Variants in AP1M1 observed in about 807,000 individuals in gnomAD.
AP1M1 encodes adaptor related protein complex 1 subunit mu 1, also known as AP-1 complex subunit mu-1.
A neutral mutation model predicts 57.1 loss-of-function variants in AP1M1; 18 were observed. The observed-to-expected ratio is 0.32, with a 90% CI of 0.22 to 0.47. The LOEUF (loss-of-function observed/expected upper bound fraction) is 0.47, where lower values mean the gene tolerates loss of function less well. Ranked by LOEUF, AP1M1 falls within the 20% of genes least tolerant of loss-of-function variation. The pLI, the probability that AP1M1 is intolerant of heterozygous loss-of-function variation, is 1.00. For missense variants in AP1M1, 362 were observed against 593.5 expected, an observed-to-expected ratio of 0.61 and a Z score of 4.05; for synonymous variants, 241 against 237.9, an observed-to-expected ratio of 1.01 and a Z score of -0.12.
chr19:16,223,892 G>A (rs1218682197), intron 5 of AP1M1, among the ~76,000 whole-genome samples: 9 of 152,218 alleles, frequency 5.9e-5, no homozygotes, highest in African/African-American at 1.9e-4. Context: ...TTTCTTTTGT[G>A]TTCACGCTGG....
intron 5 of AP1M1, among the ~76,000 whole-genome samples, chr19:16,215,714 C>G (rs1350842847): frequency 6.6e-6 from 1 of 152,106 alleles, no homozygotes; most frequent in Non-Finnish European, 1.5e-5. Context: ...ATTGGCCTCT[C>G]TAGCTAGACT....
intron 5 of AP1M1, chr19:16,210,423 A>G (rs907352990): frequency 1.4e-6 from 1 of 717,442 alleles, no homozygotes; most frequent in African/African-American, 1.7e-5. Context: ...TTTATAAGAA[A>G]CTGCCAAACC....
intron 10 of AP1M1, 88 bp from the exon 11 acceptor site, chr19:16,234,111 G>T (rs1462366608): frequency 3.0e-6 from 4 of 1,351,784 alleles, no homozygotes; most frequent in South Asian, 2.8e-5. Flanking sequence ...TCCCCTGCCA[G>T]CCCCAGGCTG....
intron 5 of AP1M1, among the ~76,000 whole-genome samples, chr19:16,216,982 C>T (rs893333827): frequency 1.3e-5 from 2 of 152,016 alleles, no homozygotes; most frequent in Non-Finnish European, 2.9e-5. Flanking sequence ...GTCAGGGAGC[C>T]AGCCTCTGGG....
At chr19:16,217,405 C>T (rs945058687) in intron 5 of AP1M1, among the ~76,000 whole-genome samples, 2 of 152,150 alleles carry the variant, frequency 1.3e-5, no homozygotes, top group Non-Finnish European at 2.9e-5. Flanking sequence ...CCCACGCACA[C>T]ACCACCAGCA....
At chr19:16,223,984 C>T (rs2091557904) in intron 5 of AP1M1, among the ~76,000 whole-genome samples, 1 of 152,216 alleles carries the variant, frequency 6.6e-6, no homozygotes, top group Non-Finnish European at 1.5e-5. Flanking sequence ...TTCTGACGGC[C>T]ACTGGCAGTG....
chr19:16,228,464 C>T lies in AP1M1; in HGVS notation c.888+256C>T, dbSNP rs1434791434. 4.6e-5 allele frequency among the ~76,000 whole-genome samples: 7 copies of T among 152,198 alleles called. No individual in the cohort carries two copies. Among genetic ancestry groups the T allele is most frequent in the Non-Finnish European group, 4.4e-5 (3 of 68,030 alleles). Reference sequence around the variant, plus strand: ...TGCCCCCAGGTGGAGCACCTCTGCCCCTCAGCGACCCTGTCCAGCGCAGCC... The same window carrying T: ...TGCCCCCAGGTGGAGCACCTCTGCCTCTCAGCGACCCTGTCCAGCGCAGCC... On this transcript the variant is annotated intron_variant, in intron 8 of 11. Transcript: ENST00000291439. The surrounding 1 kb of genome is among the most constrained non-coding windows in gnomAD (Gnocchi z 5.0).
At chr19:16,229,071 CGGA>C (rs2145138731) in intron 9 of AP1M1, 143 bp downstream of exon 9, 2 of 969,122 alleles carry the variant, frequency 2.1e-6, no homozygotes, top group East Asian at 5.3e-5. Flanking sequence ...AAAGGGTGGA[CGGA>C]GAGCTGAGGA....
rs1034603410 is a variant in AP1M1 at position 16,240,560 on chromosome 19, A to G, written c.*6125A>G. ...TGCCTCCCAGGTTCAAGCAATTCTCATATCTCAGCCTCCCAAGCAGCTGGG... is the reference window on the plus strand; with the variant it reads ...TGCCTCCCAGGTTCAAGCAATTCTCGTATCTCAGCCTCCCAAGCAGCTGGG... On this transcript the variant is annotated 3_prime_UTR_variant, in exon 12 of 12. Coordinates refer to ENST00000291439, the MANE Select transcript of AP1M1 (RefSeq NM_032493.4). 6.6e-6 allele frequency: 1 copy of G among 151,946 alleles called. No homozygotes were observed. Among genetic ancestry groups the G allele is most frequent in the South Asian group, 2.1e-4 (1 of 4,826 alleles). 9.4% of individuals were successfully genotyped at this position (151,946 alleles called of 1,614,324 possible).
rs756171071 is a variant in AP1M1 at position 16,228,734 on chromosome 19, C to T, written c.889-36C>T. ...GAGAGGCTGGCCAGCTCACCTTGGC[C>T]TCCATAACCCCGGGCCGCATTGGCC... On this transcript the variant is annotated intron_variant, in intron 8 of 11. Transcript: ENST00000291439. This position sits in a 1 kb window ranked among gnomAD's most constrained non-coding sequence, Gnocchi z 5.0. 30 of 1,609,340 alleles carry T rather than the reference C, an allele frequency of 1.9e-5. No homozygotes were observed. The highest frequency in any genetic ancestry group is 2.5e-5 in the Non-Finnish European group (30 of 1,177,146).
intron 5 of AP1M1, 62 bp from the exon 6 acceptor site, chr19:16,226,359 T>C: frequency 6.7e-7 from 1 of 1,495,708 alleles, no homozygotes; most frequent in Non-Finnish European, 9.0e-7. Context: ...TCACATGATG[T>C]GGTAGGAGGC....
rs954701533 is a variant in AP1M1, at chr19:16,203,363, G to T, written c.43-96G>T. The T allele has an allele frequency of 7.5e-7, 1 of 1,335,296 alleles. No homozygotes were observed. Among genetic ancestry groups the T allele is most frequent in the Non-Finnish European group, 1.1e-6 (1 of 941,380 alleles). 82.7% of individuals were successfully genotyped at this position (1,335,296 alleles called of 1,614,324 possible). A position where few individuals can be genotyped will look rare whatever the true frequency, so the allele number is the denominator to read the frequency against. ...ATAGTGGCCATGACCGGAGTCCCCAGAGCGAAGCAGGGTGGTGCATCTCAC... is the reference window on the plus strand; with the variant it reads ...ATAGTGGCCATGACCGGAGTCCCCATAGCGAAGCAGGGTGGTGCATCTCAC... On this transcript the variant is annotated intron_variant, in intron 1 of 11. Transcript: ENST00000291439. The surrounding 1 kb of genome is among the most constrained non-coding windows in gnomAD (Gnocchi z 4.6).
chr19:16,209,369 C>A, intron 5 of AP1M1, 192 bp downstream of exon 5: 1 of 578,122 alleles, frequency 1.7e-6, no homozygotes, highest in Non-Finnish European at 2.8e-6. Context: ...CTCATTCTGT[C>A]GCCCAGGCTA....
rs1001708507 is a variant in AP1M1, at chr19:16,243,074, A to G, written c.*8639A>G. Reference sequence around the variant, plus strand: ...GTGAGCCACCACACACGGCCAGAATAGACTTTAAAGCAAGAAAGCAAAAGA... The same window carrying G: ...GTGAGCCACCACACACGGCCAGAATGGACTTTAAAGCAAGAAAGCAAAAGA... On this transcript the variant is annotated 3_prime_UTR_variant, in exon 12 of 12. Coordinates refer to ENST00000291439, the MANE Select transcript of AP1M1 (RefSeq NM_032493.4). 1 of 152,114 alleles carries G rather than the reference A, an allele frequency of 6.6e-6. No homozygotes were observed. The highest frequency in any genetic ancestry group is 1.5e-5 in the Non-Finnish European group (1 of 68,016). 9.4% of individuals were successfully genotyped at this position (152,114 alleles called of 1,614,324 possible). A position where few individuals can be genotyped will look rare whatever the true frequency, so the allele number is the denominator to read the frequency against.
At chr19:16,223,372 C>G (rs966700051) in intron 5 of AP1M1, among the ~76,000 whole-genome samples, 6 of 152,192 alleles carry the variant, frequency 3.9e-5, no homozygotes, top group African/African-American at 1.4e-4. Context: ...AGACATAAAC[C>G]ACTTCATGGG....
In AP1M1 at chr19:16,227,480, G is replaced by A. The variant is rs1057092072; in HGVS notation, c.674-68G>A. 2 of 1,564,536 alleles carry A rather than the reference G, an allele frequency of 1.3e-6. No individual in the cohort carries two copies. Among genetic ancestry groups the A allele is most frequent in the Non-Finnish European group, 1.7e-6 (2 of 1,142,974 alleles). On this transcript the variant is annotated intron_variant, in intron 6 of 11. Transcript: ENST00000291439. The surrounding 1 kb of genome is among the most constrained non-coding windows in gnomAD (Gnocchi z 6.2). The stretch of plus-strand genomic sequence containing the variant: ...TGCTCTGCCGGGGTGGGTTGCAGGT[G>A]GTAGGAGTACTGCTGAGATAGTGAC...
chr19:16,208,301 C>A, intron 4 of AP1M1, 152 bp downstream of exon 4: 1 of 822,442 alleles, frequency 1.2e-6, no homozygotes, highest in Non-Finnish European at 1.8e-6. Flanking sequence ...TACTAAGTTG[C>A]TCTTAGTGGT....
chr19:16,228,823 T>G lies in AP1M1; in HGVS notation c.942T>G (p.Ile314Met), dbSNP rs1163713305. 1 of 1,613,958 alleles carries G rather than the reference T, an allele frequency of 6.2e-7. No individual in the cohort carries two copies. ...CAGCCAACAACGTGGAGATCCACAT[T>G]CCCGTGCCCAATGATGCCGACTCAC... ...RSTANNVEIH[I>M]PVPNDADSPK... Residue 314 changes from isoleucine to methionine, a missense_variant, in exon 9 of 12, where the codon ATT (isoleucine) becomes ATG (methionine). Around this residue, in one of 2 missense-constraint regions of AP1M1, gnomAD observed 337 missense variants for 511.1 expected, o/e 0.66. Coordinates refer to ENST00000291439, the MANE Select transcript of AP1M1 (RefSeq NM_032493.4). The surrounding 1 kb of genome is among the most constrained non-coding windows in gnomAD (Gnocchi z 5.0).
At chr19:16,210,310 A>G in intron 5 of AP1M1, 1 of 700,520 alleles carries the variant, frequency 1.4e-6, no homozygotes, top group Non-Finnish European at 2.7e-6. Context: ...AGTTGCTAGA[A>G]ACATGTCGTG....
Sources: gnomAD v4.1 joint callset for allele counts (sites outside exome capture counted in the v4.1 genomes callset) on GRCh38, gnomAD v4.1.1 for gene constraint, gnomAD v4.1.1 regional missense constraint, Gnocchi (gnomAD v3.1) non-coding constraint, MANE v1.5 for transcripts, NCBI Gene and HGNC (gene_info 2026-07-23, HGNC 2026-07-21) for gene names.